R3HDML: variants seen among roughly 807,000 people sequenced by gnomAD.
R3HDML encodes peptidase inhibitor R3HDML.
Under a neutral mutation model 24.2 loss-of-function variants are expected in R3HDML, and 21 were observed. The ratio of observed to expected loss-of-function variants is 0.87; its 90% CI spans 0.62 to 1.25. R3HDML has a LOEUF of 1.25. Among genes scored for constraint, R3HDML ranks in the 50% most tolerant of loss-of-function variants. The pLI is 0.00. For synonymous variants in R3HDML, 133 were observed against 131.5 expected, an observed-to-expected ratio of 1.01 and a Z score of -0.08; for missense variants, 301 against 340.3, an observed-to-expected ratio of 0.88 and a Z score of 0.91.
intron 2 of R3HDML, among the ~76,000 whole-genome samples, 181 bp from the exon 3 acceptor site, chr20:44,343,196 G>A (rs1792030289): frequency 6.6e-6 from 1 of 152,194 alleles, no homozygotes; most frequent in South Asian, 2.1e-4. Flanking sequence ...GGTACAGGGA[G>A]GCACTTCACA....
At chr20:44,340,040 G>A (rs112815851) in intron 1 of R3HDML, among the ~76,000 whole-genome samples, 2,666 of 151,942 alleles carry the variant, frequency 0.018, 71 homozygotes, top group African/African-American at 0.061. Flanking sequence ...CTGCAACCTC[G>A]GTCTCCCAGG....
At chr20:44,343,583 G>A (rs2062778078) in intron 3 of R3HDML, 74 bp downstream of exon 3, 1 of 1,428,604 alleles carries the variant, frequency 7.0e-7, no homozygotes, top group Non-Finnish European at 9.3e-7. Context: ...AATGTGTGGA[G>A]CAGAAATAAG....
At chr20:44,350,595 G>C in intron 4 of R3HDML, 65 bp from the exon 5 acceptor site, 1 of 1,532,380 alleles carries the variant, frequency 6.5e-7, no homozygotes, top group Non-Finnish European at 8.8e-7. Flanking sequence ...GCTGAGATCT[G>C]GACATCTGTG....
chr20:44,350,411 A>G (rs2062806266), intron 4 of R3HDML, among the ~76,000 whole-genome samples: 1 of 151,964 alleles, frequency 6.6e-6, no homozygotes, highest in African/African-American at 2.4e-5. Flanking sequence ...AGCTACTCAG[A>G]AGACTGAGCT....
chr20:44,340,834 G>A (rs1403742247), intron 1 of R3HDML, among the ~76,000 whole-genome samples: 2 of 152,118 alleles, frequency 1.3e-5, no homozygotes, highest in African/African-American at 4.8e-5. Context: ...AAAAAAGAAA[G>A]AAAGAAAAAG....
intron 3 of R3HDML, 188 bp from the exon 4 acceptor site, chr20:44,345,074 TG>T (rs1307653516): frequency 6.7e-6 from 4 of 593,190 alleles, no homozygotes; most frequent in Non-Finnish European, 1.2e-5. Flanking sequence ...TACTGTTGGT[TG>T]TAATAAAAAG....
intron 4 of R3HDML, among the ~76,000 whole-genome samples, chr20:44,349,052 G>A (rs1468217932): frequency 6.6e-6 from 1 of 151,840 alleles, no homozygotes; most frequent in Non-Finnish European, 1.5e-5. Flanking sequence ...GCTTGAACCC[G>A]GGAGGCGGAG....
chr20:44,337,074 C>A lies in R3HDML; in HGVS notation c.-84C>A. 2 of 1,504,124 alleles carry A rather than the reference C, an allele frequency of 1.3e-6. No homozygotes were observed. The highest frequency in any genetic ancestry group is 1.8e-6 in the Non-Finnish European group (2 of 1,120,008). The allele number at this position is 1,504,124 out of a possible 1,614,324, so 93.2% of individuals were successfully genotyped here. A position where few individuals can be genotyped will look rare whatever the true frequency, so the allele number is the denominator to read the frequency against. Reference sequence around the variant, plus strand: ...TGGGTCGGCACTGTTGGAGAACGCTCAGGGTCTGGTGCTCTCGTGCCTGCC... The same window carrying A: ...TGGGTCGGCACTGTTGGAGAACGCTAAGGGTCTGGTGCTCTCGTGCCTGCC... On this transcript the variant is annotated 5_prime_UTR_variant, in exon 1 of 5. Transcript: ENST00000217043. The surrounding 1 kb of genome is among the most constrained non-coding windows in gnomAD (Gnocchi z 4.7).
intron 2 of R3HDML, among the ~76,000 whole-genome samples, chr20:44,341,841 C>T (rs778383345): frequency 4.6e-5 from 7 of 152,034 alleles, no homozygotes; most frequent in African/African-American, 1.4e-4. Context: ...GCTGAGGTTG[C>T]GCCACTGCAC....
intron 4 of R3HDML, among the ~76,000 whole-genome samples, chr20:44,350,268 C>A (rs1286243066): frequency 1.3e-5 from 2 of 151,818 alleles, no homozygotes; most frequent in African/African-American, 4.8e-5. Context: ...AATCTCAGCA[C>A]TTTGGGAGGC....
At chr20:44,348,044 A>G (rs777997063) in intron 4 of R3HDML, among the ~76,000 whole-genome samples, 100 of 145,094 alleles carry the variant, frequency 6.9e-4, no homozygotes, top group Non-Finnish European at 5.2e-4. Flanking sequence ...AGCTCACGGC[A>G]GCCTCAACCT....
chr20:44,340,941 TG>T (rs950006908), intron 1 of R3HDML, among the ~76,000 whole-genome samples: 3 of 152,264 alleles, frequency 2.0e-5, no homozygotes, highest in Non-Finnish European at 4.4e-5. Context: ...ACGAACACCC[TG>T]GGACCTGCTC....
At chr20:44,348,710 C>A (rs915223697) in intron 4 of R3HDML, among the ~76,000 whole-genome samples, 1 of 151,858 alleles carries the variant, frequency 6.6e-6, no homozygotes, top group Non-Finnish European at 1.5e-5. Context: ...ACGGGGGTCT[C>A]GCCATGTTGC....
chr20:44,348,249 T>A (rs1452887750), intron 4 of R3HDML, among the ~76,000 whole-genome samples: 6 of 152,156 alleles, frequency 3.9e-5, no homozygotes, highest in Non-Finnish European at 8.8e-5. Flanking sequence ...AATCTTGGAA[T>A]TGAGTGAGAT....
intron 4 of R3HDML, among the ~76,000 whole-genome samples, chr20:44,347,239 G>A (rs989216518): frequency 6.8e-6 from 1 of 148,110 alleles, no homozygotes; most frequent in African/African-American, 2.5e-5. Flanking sequence ...TTTGGGGGGG[G>A]ACGAGGTCTT....
intron 4 of R3HDML, among the ~76,000 whole-genome samples, chr20:44,346,960 G>T (rs2062788865): frequency 6.6e-6 from 1 of 152,148 alleles, no homozygotes; most frequent in Non-Finnish European, 1.5e-5. Flanking sequence ...TGGCCAACAT[G>T]GCAAAACCTC....
At chr20:44,343,351 T>C in intron 2 of R3HDML, 26 bp from the exon 3 acceptor site, 7 of 1,606,914 alleles carry the variant, frequency 4.4e-6, no homozygotes, top group Non-Finnish European at 5.9e-6. Flanking sequence ...CTCACCCAGC[T>C]TCTTCCGTGT....
chr20:44,348,158 T>C (rs1293219177), intron 4 of R3HDML, among the ~76,000 whole-genome samples: 2 of 152,104 alleles, frequency 1.3e-5, no homozygotes, highest in Non-Finnish European at 2.9e-5. Context: ...GGGCCAAGAC[T>C]ACCAGGGTTC....
intron 1 of R3HDML, among the ~76,000 whole-genome samples, chr20:44,339,870 C>T (rs1049179333): frequency 2.6e-5 from 4 of 152,098 alleles, no homozygotes; most frequent in Admixed American, 1.3e-4. Context: ...CCTCTGCCTC[C>T]TGAGTTCAAG....
Sources: allele counts gnomAD v4.1 joint callset (sites outside exome capture counted in the v4.1 genomes callset), GRCh38; gene constraint gnomAD v4.1.1; non-coding constraint Gnocchi (gnomAD v3.1); transcripts MANE v1.5; gene names NCBI Gene and HGNC (gene_info 2026-07-23, HGNC 2026-07-21).